PHACTR3: variants seen among roughly 807,000 people sequenced by gnomAD.
PHACTR3 encodes the protein protein phosphatase 1, regulatory subunit 123.
PHACTR3 carries 16 observed loss-of-function variants against 66.8 expected under a neutral mutation model. The ratio of observed to expected loss-of-function variants is 0.24; its 90% CI spans 0.16 to 0.36. PHACTR3 has a LOEUF of 0.36. Ranked by LOEUF, PHACTR3 falls within the 10% of genes least tolerant of loss-of-function variation. The probability of loss-of-function intolerance (pLI) is 1.00; values close to 1 mark genes in which losing one functional copy is unlikely to be tolerated. For missense variants in PHACTR3, 647 were observed against 719.9 expected, an observed-to-expected ratio of 0.90 and a Z score of 1.16; for synonymous variants, 323 against 292.1, an observed-to-expected ratio of 1.11 and a Z score of -1.08.
intron 1 of PHACTR3, among the ~76,000 whole-genome samples, chr20:59,742,155 G>A (rs1182468): frequency 0.49 from 74,342 of 152,136 alleles, 20,438 homozygotes; most frequent in Non-Finnish European, 0.62. Context: ...CACTGGTGGC[G>A]TGTGCGTGTG....
chr20:59,719,904 C>T (rs772457656), intron 1 of PHACTR3, among the ~76,000 whole-genome samples: 4 of 152,164 alleles, frequency 2.6e-5, no homozygotes, highest in South Asian at 2.1e-4. Flanking sequence ...CGAGGGCTTG[C>T]GTCTCCTCAT....
intron 1 of PHACTR3, 23 bp downstream of exon 1, chr20:59,605,155 C>A: frequency 8.5e-6 from 2 of 234,710 alleles, no homozygotes; most frequent in Non-Finnish European, 1.6e-5. Flanking sequence ...GCGGGGGCGG[C>A]GGGCGGGTCG....
chr20:59,820,226 C>T lies in PHACTR3; in HGVS notation c.1328+14032C>T, dbSNP rs2041996383. On this transcript the variant is annotated intron_variant, in intron 8 of 12. Coordinates refer to ENST00000371015, the MANE Select transcript of PHACTR3 (RefSeq NM_080672.5). This position sits in a 1 kb window ranked among gnomAD's most constrained non-coding sequence, Gnocchi z 4.6. ...AAGACCACCAAGATTTATGAGGGCACTTTCAAGGATTTGTTGCAAAAATGC... is the reference window on the plus strand; with the variant it reads ...AAGACCACCAAGATTTATGAGGGCATTTTCAAGGATTTGTTGCAAAAATGC... 6.6e-6 allele frequency among the ~76,000 whole-genome samples: 1 copy of T among 152,162 alleles called. No individual in the cohort carries two copies. The highest frequency in any genetic ancestry group is 6.5e-5 in the Admixed American group (1 of 15,284).
chr20:59,774,115 T>C lies in PHACTR3; in HGVS notation c.927-128T>C, dbSNP rs564014501. Reference sequence around the variant, plus strand: ...CATGCTCCTTCTGGTGTGTCCAGGATAAAAACCAAGAGGTCACATGCATTT... The same window carrying C: ...CATGCTCCTTCTGGTGTGTCCAGGACAAAAACCAAGAGGTCACATGCATTT... On this transcript the variant is annotated intron_variant, in intron 6 of 12. Coordinates refer to ENST00000371015, the MANE Select transcript of PHACTR3 (RefSeq NM_080672.5). The C allele has an allele frequency of 2.4e-6, 3 of 1,244,022 alleles. No individual in the cohort carries two copies. In the African/African-American group the frequency reaches 4.7e-5, roughly 20 times the overall value. The allele number at this position is 1,244,022 out of a possible 1,614,324, so 77.1% of individuals were successfully genotyped here.
At chr20:59,609,930 C>T (rs1321663833) in intron 1 of PHACTR3, among the ~76,000 whole-genome samples, 1 of 152,212 alleles carries the variant, frequency 6.6e-6, no homozygotes, top group East Asian at 1.9e-4. Context: ...GAAAGCATTG[C>T]CTGTTCATTA....
intron 1 of PHACTR3, among the ~76,000 whole-genome samples, chr20:59,664,420 C>T (rs1305386029): frequency 6.6e-6 from 1 of 152,158 alleles, no homozygotes; most frequent in African/African-American, 2.4e-5. Flanking sequence ...TCCTTGTGAC[C>T]TTGTCCTCCC....
chr20:59,632,365 A>G (rs944331939), intron 1 of PHACTR3, among the ~76,000 whole-genome samples: 1 of 152,140 alleles, frequency 6.6e-6, no homozygotes, highest in South Asian at 2.1e-4. Flanking sequence ...TGGTTCTCAG[A>G]TGGGCTCATG....
chr20:59,839,022 T>G (rs539164703), intron 9 of PHACTR3, among the ~76,000 whole-genome samples: 1 of 151,552 alleles, frequency 6.6e-6, no homozygotes, highest in Non-Finnish European at 1.5e-5. Flanking sequence ...GTAGTAATTA[T>G]GGCATTTTTC....
At chr20:59,612,320 C>T (rs2145263) in intron 1 of PHACTR3, among the ~76,000 whole-genome samples, 1 of 151,294 alleles carries the variant, frequency 6.6e-6, no homozygotes, top group Non-Finnish European at 1.5e-5. Flanking sequence ...GCTTCTTGCC[C>T]TGTGGAAATG....
At chr20:59,606,157 G>T (rs2033661249) in intron 1 of PHACTR3, among the ~76,000 whole-genome samples, 1 of 152,170 alleles carries the variant, frequency 6.6e-6, no homozygotes, top group Admixed American at 6.5e-5. Context: ...GGGACTTGAT[G>T]ATGTTAAATG....
chr20:59,659,324 T>C (rs1339064385), intron 1 of PHACTR3, among the ~76,000 whole-genome samples: 1 of 151,636 alleles, frequency 6.6e-6, no homozygotes, highest in East Asian at 1.9e-4. Context: ...CTTATCAGAG[T>C]TGGAACACTG....
intron 1 of PHACTR3, among the ~76,000 whole-genome samples, chr20:59,609,373 C>T (rs1435167825): frequency 3.3e-5 from 5 of 152,130 alleles, no homozygotes; most frequent in Admixed American, 2.6e-4. Flanking sequence ...ACCCACACAC[C>T]GTCAACACCA....
Position 59,836,507 on chromosome 20 carries a change from G to A in PHACTR3, c.1331G>A (p.Arg444Gln), listed in dbSNP as rs138964292. Residue 444 changes from arginine to glutamine, a missense_variant and splice_region_variant, in exon 9 of 13, where the codon CGG becomes CAG. This residue lies in a region of PHACTR3 where 70 missense variants were observed against 148.8 expected (regional missense o/e 0.47). Coordinates refer to ENST00000371015, the MANE Select transcript of PHACTR3 (RefSeq NM_080672.5). ...GTAATTTTAGTGTTTTTCCGCAGAC[G>A]GCTGAGCCAAAGACCTGCCGTGGAA... Reference protein sequence around the residue: ...RQQIEMKLSKRLSQRPAVEEL... With the variant: ...RQQIEMKLSKQLSQRPAVEEL... 1.5e-4 allele frequency: 234 copies of A among 1,608,102 alleles called. No individual in the cohort carries two copies. The highest frequency in any genetic ancestry group is 5.0e-4 in the Middle Eastern group (3 of 6,058).
intron 1 of PHACTR3, among the ~76,000 whole-genome samples, chr20:59,698,747 A>G (rs1438803360): frequency 6.6e-6 from 1 of 152,210 alleles, no homozygotes; most frequent in Non-Finnish European, 1.5e-5. Context: ...TGTTTGCAGC[A>G]AACATTTATT....
chr20:59,722,941 C>T (rs1350743799), intron 1 of PHACTR3, among the ~76,000 whole-genome samples: 1 of 152,044 alleles, frequency 6.6e-6, no homozygotes, highest in Non-Finnish European at 1.5e-5. Context: ...GAAAGACGCC[C>T]TGTGGCTCTC....
At chr20:59,771,343 G>A (rs1175854525) in intron 5 of PHACTR3, among the ~76,000 whole-genome samples, 2 of 152,126 alleles carry the variant, frequency 1.3e-5, no homozygotes, top group African/African-American at 4.8e-5. Flanking sequence ...GGAGCAGCCT[G>A]GGGAGGCTGA....
chr20:59,591,956 C>T (rs1191945638), intron 1 of PHACTR3, among the ~76,000 whole-genome samples: 1 of 152,106 alleles, frequency 6.6e-6, no homozygotes, highest in Non-Finnish European at 1.5e-5. Flanking sequence ...CAGAGAAGTG[C>T]CGTGGCTCTA....
At chr20:59,641,024 T>G (rs563349366) in intron 1 of PHACTR3, among the ~76,000 whole-genome samples, 2 of 152,124 alleles carry the variant, frequency 1.3e-5, no homozygotes. Flanking sequence ...GGAGAAGATA[T>G]AGATAGAGAT....
rs2042282080 is a variant in PHACTR3 at position 59,829,381 on chromosome 20, T to C, written c.1329-7124T>C. On this transcript the variant is annotated intron_variant, in intron 8 of 12. Coordinates refer to ENST00000371015, the MANE Select transcript of PHACTR3 (RefSeq NM_080672.5). This position sits in a 1 kb window ranked among gnomAD's most constrained non-coding sequence, Gnocchi z 4.2. ...TTTCCCTGGGCGGTTTCTTTCATCA[T>C]CCAGGCCTCATCTTATGGCCTGGAG... 1.3e-5 allele frequency among the ~76,000 whole-genome samples: 2 copies of C among 152,188 alleles called. No individual in the cohort carries two copies. Among genetic ancestry groups the C allele is most frequent in the South Asian group, 2.1e-4 (1 of 4,832 alleles).
Sources: gnomAD v4.1 joint callset for allele counts (sites outside exome capture counted in the v4.1 genomes callset) on GRCh38, gnomAD v4.1.1 for gene constraint, gnomAD v4.1.1 regional missense constraint, Gnocchi (gnomAD v3.1) non-coding constraint, MANE v1.5 for transcripts, NCBI Gene and HGNC (gene_info 2026-07-23, HGNC 2026-07-21) for gene names.